TMEM229B: variants seen among roughly 807,000 people sequenced by gnomAD.
TMEM229B encodes chromosome 14 open reading frame 83.
A neutral mutation model predicts 13.7 loss-of-function variants in TMEM229B; 6 were observed. The ratio of observed to expected loss-of-function variants is 0.44; its 90% confidence interval spans 0.24 to 0.86. The LOEUF (loss-of-function observed/expected upper bound fraction) is 0.86, where lower values mean the gene tolerates loss of function less well. Ranked by LOEUF, TMEM229B falls within the 40% of genes least tolerant of loss-of-function variation. TMEM229B has a pLI of 0.23. For missense variants in TMEM229B, 170 were observed against 236.0 expected (o/e 0.72, Z 1.83); for synonymous variants, 107 against 102.1 (o/e 1.05, Z -0.29).
At chr14:67,503,515 A>T (rs536703596) in intron 1 of TMEM229B, 2 of 152,340 alleles carry the variant, frequency 1.3e-5, no homozygotes, top group African/African-American at 4.8e-5. Context: ...CCATCCCTGC[A>T]TGCCACCTTC....
intron 1 of TMEM229B, among the ~76,000 whole-genome samples, chr14:67,528,104 T>C (rs1182924049): frequency 1.3e-5 from 2 of 152,112 alleles, no homozygotes; most frequent in African/African-American, 4.8e-5. Flanking sequence ...CTCAGATAGA[T>C]TGGAGTGTGA....
chr14:67,525,251 T>G (rs1473263802), intron 1 of TMEM229B, among the ~76,000 whole-genome samples: 1 of 152,216 alleles, frequency 6.6e-6, no homozygotes, highest in Non-Finnish European at 1.5e-5. Flanking sequence ...TAGTTATATG[T>G]ATACAGTTTT....
intron 2 of TMEM229B, among the ~76,000 whole-genome samples, chr14:67,477,220 G>A (rs1441427021): frequency 6.6e-6 from 1 of 151,352 alleles, no homozygotes; most frequent in Non-Finnish European, 1.5e-5. Flanking sequence ...AAACACAACA[G>A]CATCCTTGGC....
At chr14:67,509,436 A>G (rs2032952117) in intron 1 of TMEM229B, among the ~76,000 whole-genome samples, 1 of 152,126 alleles carries the variant, frequency 6.6e-6, no homozygotes, top group South Asian at 2.1e-4. Context: ...CTCCTGCCTC[A>G]GCCTCCCAAG....
intron 2 of TMEM229B, among the ~76,000 whole-genome samples, chr14:67,480,124 G>T (rs899024729): frequency 6.6e-6 from 1 of 152,146 alleles, no homozygotes. Flanking sequence ...TACAGCTAAG[G>T]CTCCAGAAAG....
At chr14:67,483,413 A>T (rs1361390324) in intron 2 of TMEM229B, among the ~76,000 whole-genome samples, 1 of 152,194 alleles carries the variant, frequency 6.6e-6, no homozygotes, top group African/African-American at 2.4e-5. Flanking sequence ...ACTGCCCCCG[A>T]GGCTGACTGC....
At chr14:67,518,762 G>A (rs1162275095), upstream of TMEM229B, among the ~76,000 whole-genome samples, 3 of 152,216 alleles carry the variant, frequency 2.0e-5, no homozygotes, top group African/African-American at 7.2e-5. Context: ...ATGCTTGTTA[G>A]AGAGAATTGG....
intron 2 of TMEM229B, among the ~76,000 whole-genome samples, chr14:67,482,156 G>A (rs563827616): frequency 1.3e-5 from 2 of 152,322 alleles, no homozygotes; most frequent in Admixed American, 1.3e-4. Context: ...CAAGGGAACA[G>A]GTGATGGGGA....
upstream of TMEM229B, among the ~76,000 whole-genome samples, chr14:67,490,440 A>G (rs1466661840): frequency 6.6e-6 from 1 of 152,212 alleles, no homozygotes; most frequent in Non-Finnish European, 1.5e-5. Context: ...GCAGCCTCCT[A>G]TGTGGGCAAG....
chr14:67,527,661 G>A (rs1490400525), intron 1 of TMEM229B, among the ~76,000 whole-genome samples: 2 of 152,182 alleles, frequency 1.3e-5, no homozygotes, highest in South Asian at 2.1e-4. Flanking sequence ...AATGTGTTTT[G>A]TACCGCAGCA....
chr14:67,491,655 A>C (rs1980615), upstream of TMEM229B, among the ~76,000 whole-genome samples: 55,844 of 152,078 alleles, frequency 0.37, 11,762 homozygotes, highest in South Asian at 0.51. Flanking sequence ...GAAGATGCCT[A>C]AAGGCCCACT....
At chr14:67,515,739 C>T (rs2140259069), upstream of TMEM229B, among the ~76,000 whole-genome samples, 1 of 152,320 alleles carries the variant, frequency 6.6e-6, no homozygotes, top group South Asian at 2.1e-4. Flanking sequence ...GGGGACCAGG[C>T]GTGCAACATC....
chr14:67,502,329 T>G (rs2032642060), intron 1 of TMEM229B, among the ~76,000 whole-genome samples: 1 of 147,430 alleles, frequency 6.8e-6, no homozygotes. Flanking sequence ...AGACTCCATC[T>G]CAAAAAAAAG....
At chr14:67,508,759 A>G in intron 1 of TMEM229B, among the ~76,000 whole-genome samples, 1 of 149,668 alleles carries the variant, frequency 6.7e-6, no homozygotes, top group Admixed American at 6.7e-5. Context: ...GTCTCAAAAA[A>G]AAAAAAAAAA....
At chr14:67,520,763 A>G (rs2033279884) in intron 1 of TMEM229B, among the ~76,000 whole-genome samples, 1 of 152,252 alleles carries the variant, frequency 6.6e-6, no homozygotes, top group Non-Finnish European at 1.5e-5. Flanking sequence ...ATTAAGAATA[A>G]AGCTGCTATA....
At chr14:67,514,232 C>T (rs1159934518) in intron 1 of TMEM229B, among the ~76,000 whole-genome samples, 3 of 152,136 alleles carry the variant, frequency 2.0e-5, no homozygotes, top group South Asian at 2.1e-4. Context: ...AGCCAAACAC[C>T]CCCAGGGAAA....
chr14:67,506,047 T>C (rs1016458147), intron 1 of TMEM229B, among the ~76,000 whole-genome samples: 1 of 152,112 alleles, frequency 6.6e-6, no homozygotes, highest in East Asian at 1.9e-4. Context: ...TCCCAGCAAT[T>C]GGGAGGGTAA....
chr14:67,512,093 T>C (rs2033046626), intron 1 of TMEM229B, among the ~76,000 whole-genome samples: 1 of 152,190 alleles, frequency 6.6e-6, no homozygotes, highest in Non-Finnish European at 1.5e-5. Flanking sequence ...AGCAGAAAAG[T>C]ATAACCTATG....
chr14:67,489,783 G>A (rs929110743), upstream of TMEM229B, among the ~76,000 whole-genome samples: 13 of 152,192 alleles, frequency 8.5e-5, no homozygotes, highest in African/African-American at 3.1e-4. Flanking sequence ...GAGGTCAGGA[G>A]ATCGAGACCA....
Sources: allele counts gnomAD v4.1 joint callset (sites outside exome capture counted in the v4.1 genomes callset), GRCh38; gene constraint gnomAD v4.1.1; transcripts MANE v1.5; gene names NCBI Gene and HGNC (gene_info 2026-07-23, HGNC 2026-07-21).